Variants in ADAR observed in about 807,000 individuals in gnomAD.
ADAR encodes the protein adenosine deaminase RNA specific.
In ADAR, 41 loss-of-function variants were observed where a neutral mutation model predicts 113.2. That is an observed-to-expected ratio of 0.36 (90% CI 0.28 to 0.47). The LOEUF is 0.47. ADAR is among the 20% of genes least tolerant of loss of function. ADAR has a pLI of 1.00. For synonymous variants in ADAR, 605 were observed against 572.6 expected, an observed-to-expected ratio of 1.06 and a Z score of -0.81; for missense variants, 1,242 against 1,540.9, an observed-to-expected ratio of 0.81 and a Z score of 3.25.
intron 2 of ADAR, among the ~76,000 whole-genome samples, chr1:154,599,343 A>G (rs1408028622): frequency 6.6e-6 from 1 of 152,230 alleles, no homozygotes; most frequent in Non-Finnish European, 1.5e-5. Flanking sequence ...ATATTTGAAC[A>G]TGGCACCAAT....
chr1:154,608,492 CT>C (rs67463447), upstream of ADAR, among the ~76,000 whole-genome samples: 127 of 65,764 alleles, frequency 1.9e-3, no homozygotes, highest in African/African-American at 6.5e-3. Flanking sequence ...TCACTCCTGG[CT>C]TTTTTTTTTT....
chr1:154,614,473 C>T (rs1283260486), intron 1 of ADAR, among the ~76,000 whole-genome samples: 3 of 152,248 alleles, frequency 2.0e-5, no homozygotes, highest in Admixed American at 1.3e-4. Context: ...AGCAATGCCC[C>T]TATCTCCATG....
rs888768943 is a variant in ADAR, at chr1:154,616,668, C to T, written c.-871+11187G>A. Among the ~76,000 whole-genome samples the T allele has an allele frequency of 2.9e-4, 44 of 152,136 alleles. 1 individual carries two copies. The highest frequency in any genetic ancestry group is 9.9e-4 in the African/African-American group (41 of 41,420). On this transcript the variant is annotated intron_variant, in intron 1 of 14. Transcript: ENST00000368471. ...TTTTGGTAAATATCTGTCTCTCTTACTACAAGTTCCAAGAAGCTAGGGCTA... is the reference window on the plus strand; with the variant it reads ...TTTTGGTAAATATCTGTCTCTCTTATTACAAGTTCCAAGAAGCTAGGGCTA...
At position 154,586,271 on chromosome 1, in the gene ADAR, C is replaced by T; in HGVS notation, c.3112G>A (p.Asp1038Asn). 1 of 1,614,186 alleles carries T rather than the reference C, an allele frequency of 6.2e-7. No individual in the cohort carries two copies. Among genetic ancestry groups the T allele is most frequent in the Non-Finnish European group, 8.5e-7 (1 of 1,180,032 alleles). Residue 1038 changes from aspartate to asparagine, a missense_variant, in exon 12 of 15, where the codon GAC becomes AAC. Physicochemically the swap from Asp to Asn is conservative, Grantham distance 23. Around this residue, in one of 2 missense-constraint regions of ADAR, gnomAD observed 780 missense variants for 1,057.9 expected, o/e 0.74. Coordinates refer to ENST00000368474, the MANE Select transcript of ADAR (RefSeq NM_001111.5). Reference protein sequence around the residue: ...GERLRTMSCSDKILRWNVLGL... With the variant: ...GERLRTMSCSNKILRWNVLGL... Reference sequence around the variant, plus strand: ...AGCACGTTCCAGCGTAGGATTTTGTCACTACAGGACATGGTACGGAGTCTC... The same window carrying T: ...AGCACGTTCCAGCGTAGGATTTTGTTACTACAGGACATGGTACGGAGTCTC...
intron 7 of ADAR, 42 bp downstream of exon 7, chr1:154,590,142 C>CGG: frequency 1.2e-6 from 1 of 809,412 alleles, no homozygotes; most frequent in Non-Finnish European, 2.0e-6. Flanking sequence ...GTTAGGAGGA[C>CGG]CCCCCCGCCC....
chr1:154,590,555 A>AT, intron 6 of ADAR, 146 bp from the exon 7 acceptor site: 1 of 767,494 alleles, frequency 1.3e-6, no homozygotes, highest in Non-Finnish European at 2.3e-6. Context: ...CATTTCCTAG[A>AT]TTTTGGTCAT....
chr1:154,617,591 C>T (rs143088057), intron 1 of ADAR, among the ~76,000 whole-genome samples: 2 of 152,128 alleles, frequency 1.3e-5, no homozygotes, highest in Non-Finnish European at 2.9e-5. Flanking sequence ...GACACTACCA[C>T]TCAAACGAGA....
chr1:154,593,158 A>G (rs1029321059), intron 6 of ADAR, among the ~76,000 whole-genome samples: 8 of 146,346 alleles, frequency 5.5e-5, no homozygotes, highest in Middle Eastern at 3.5e-3. Flanking sequence ...AAAAAAAAAC[A>G]GAAAAGAAGT....
upstream of ADAR, chr1:154,608,329 C>CTTTT (rs560819918): frequency 1.3e-4 from 37 of 287,488 alleles, no homozygotes; most frequent in African/African-American, 4.2e-4. Context: ...ACGGAAGGTA[C>CTTTT]TTTTTTTTTT....
rs1697603509 is a variant in ADAR at position 154,597,832 on chromosome 1, G to A, written c.1930C>T (p.Pro644Ser). 5.0e-6 allele frequency: 8 copies of A among 1,613,946 alleles called. No homozygotes were observed. The highest frequency in any genetic ancestry group is 6.8e-6 in the Non-Finnish European group (8 of 1,180,028). ...CAGAGGACACGTAGGACATACTTGG[G>A]TTCATGGGCAGGGCCTTCTTTGGAC... ...LLSKEGPAHEPKFQYCVAVGA... is the reference protein window; with the variant it reads ...LLSKEGPAHESKFQYCVAVGA... The change falls in exon 4 of 15, where the codon CCC becomes TCC. Residue 644 changes from proline to serine, a missense_variant. Pro to Ser is a moderately conservative substitution (Grantham distance 74). Coordinates refer to ENST00000368474, the MANE Select transcript of ADAR (RefSeq NM_001111.5).
rs1697855005 is a variant in ADAR at position 154,601,268 on chromosome 1, G to A, written c.1374C>T (p.Asp458=). The change falls in exon 2 of 15, where the codon GAC becomes GAT. Residue 458 remains aspartate (D), a synonymous_variant. Coordinates refer to ENST00000368474, the MANE Select transcript of ADAR (RefSeq NM_001111.5). This position sits in a 1 kb window ranked among gnomAD's most constrained non-coding sequence, Gnocchi z 4.7. ...DFENGQWATD[D]IPDDLNSIRA... is the part of the protein sequence containing the mutation. ...GGATACTATTCAAGTCATCTGGGATGTCATCTGTGGCCCACTGGCCATTTT... is the reference window on the plus strand; with the variant it reads ...GGATACTATTCAAGTCATCTGGGATATCATCTGTGGCCCACTGGCCATTTT... 1.2e-6 allele frequency: 2 copies of A among 1,614,100 alleles called. No homozygotes were observed. Among genetic ancestry groups the A allele is most frequent in the East Asian group, 2.2e-5 (1 of 44,900 alleles).
chr1:154,607,593 C>T (rs1698279737), intron 1 of ADAR, among the ~76,000 whole-genome samples: 1 of 152,156 alleles, frequency 6.6e-6, no homozygotes, highest in African/African-American at 2.4e-5. Context: ...GACATGGGCT[C>T]AGGCCTTCCT....
intron 6 of ADAR, among the ~76,000 whole-genome samples, chr1:154,591,827 CTT>C (rs1697168864): frequency 6.6e-6 from 1 of 152,188 alleles, no homozygotes; most frequent in African/African-American, 2.4e-5. Context: ...TGCCTTCACT[CTT>C]TTCTTTGTCC....
At chr1:154,624,806 C>T (rs1312600835) in intron 1 of ADAR, among the ~76,000 whole-genome samples, 3 of 152,146 alleles carry the variant, frequency 2.0e-5, no homozygotes, top group African/African-American at 4.8e-5. Flanking sequence ...TACAGAAGCC[C>T]AAAAGCTCAG....
chr1:154,601,352 T>C lies in ADAR; in HGVS notation c.1290A>G (p.Ala430=). 1 of 1,614,270 alleles carries C rather than the reference T, an allele frequency of 6.2e-7. No homozygotes were observed. Among genetic ancestry groups the C allele is most frequent in the South Asian group, 1.1e-5 (1 of 91,088 alleles). ...ENRQEARPEP[A]RLKPPVHYNG... ...TGTAATGAACAGGTGGTTTCAGTCT[T>C]GCTGGTTCTGGTCTGGCCTCTTGCC... The change falls in exon 2 of 15, where the codon GCA becomes GCG. Residue 430 remains alanine (A), a synonymous_variant. Transcript: ENST00000368474. This position sits in a 1 kb window ranked among gnomAD's most constrained non-coding sequence, Gnocchi z 4.7.
chr1:154,615,979 T>C (rs1698623836), intron 1 of ADAR, among the ~76,000 whole-genome samples: 1 of 152,180 alleles, frequency 6.6e-6, no homozygotes, highest in South Asian at 2.1e-4. Flanking sequence ...TTCTATCCAG[T>C]CTTCTCGACA....
intron 1 of ADAR, among the ~76,000 whole-genome samples, chr1:154,621,924 T>G (rs1236310314): frequency 1.3e-5 from 2 of 152,202 alleles, no homozygotes; most frequent in Admixed American, 6.5e-5. Context: ...GAAGTACTTT[T>G]TTGTTGTTGT....
chr1:154,611,503 G>A (rs1185197800), upstream of ADAR, among the ~76,000 whole-genome samples: 1 of 151,886 alleles, frequency 6.6e-6, no homozygotes, highest in East Asian at 1.9e-4. Flanking sequence ...AACTTGACGA[G>A]TTGGATGAAA....
rs1482772191 is a variant in ADAR at position 154,608,037 on chromosome 1, C to T, written c.-31G>A. ...CCGCGAGGCATTGCCCGGCCCGACC[C>T]GCCGGCGGCACGACCCTGGCCCGAC... On this transcript the variant is annotated 5_prime_UTR_variant, in exon 1 of 15. Coordinates refer to ENST00000368474, the MANE Select transcript of ADAR (RefSeq NM_001111.5). 1.9e-6 allele frequency: 3 copies of T among 1,569,186 alleles called. No homozygotes were observed. The highest frequency in any genetic ancestry group is 3.7e-5 in the Admixed American group (2 of 54,308).
Sources: allele counts gnomAD v4.1 joint callset (sites outside exome capture counted in the v4.1 genomes callset), GRCh38; gene constraint gnomAD v4.1.1; regional missense constraint gnomAD v4.1.1; non-coding constraint Gnocchi (gnomAD v3.1); transcripts MANE v1.5; gene names NCBI Gene and HGNC (gene_info 2026-07-23, HGNC 2026-07-21).